TMEM33: variants seen among roughly 807,000 people sequenced by gnomAD.
TMEM33 encodes the protein transmembrane protein 33.
Under a neutral mutation model 29.7 loss-of-function variants are expected in TMEM33, and 16 were observed. The ratio of observed to expected loss-of-function variants is 0.54; its 90% confidence interval spans 0.36 to 0.82. The LOEUF (loss-of-function observed/expected upper bound fraction) is 0.82. Ranked by LOEUF, TMEM33 falls within the 40% of genes least tolerant of loss-of-function variation. The pLI is 0.00. For missense variants in TMEM33, 252 were observed against 295.3 expected (o/e 0.85, Z 1.08); for synonymous variants, 112 against 109.4 (o/e 1.02, Z -0.15).
At position 41,940,046 on chromosome 4, in the gene TMEM33, C is replaced by CCTTTTT. The variant is rs1553910603; in HGVS notation, c.328+663_328+664insCTTTTT. On this transcript the variant is annotated intron_variant, in intron 3 of 6. Coordinates refer to ENST00000504986, the MANE Select transcript of TMEM33 (RefSeq NM_018126.3). ...TATAGTGAACACTAGGTTAAACTTTCTTTTTTTTTTTTTTTTTTTTTTTTG... is the reference window on the plus strand; with the variant it reads ...TATAGTGAACACTAGGTTAAACTTTCCTTTTTTTTTTTTTTTTTTTTTTTTTTTTTG... Among the ~76,000 whole-genome samples the CCTTTTT allele has an allele frequency of 1.1e-3, 90 of 81,368 alleles. 5 individuals are homozygous for CCTTTTT. Among genetic ancestry groups the CCTTTTT allele is most frequent in the Middle Eastern group, 9.8e-3 (1 of 102 alleles). The allele number at this position is 81,368 out of a possible 152,430, so 53.4% of individuals were successfully genotyped here.
chr4:41,948,056 T>C (rs552998271), intron 5 of TMEM33, among the ~76,000 whole-genome samples: 3 of 152,336 alleles, frequency 2.0e-5, no homozygotes, highest in African/African-American at 4.8e-5. Flanking sequence ...CACCAAGATA[T>C]AATAAGTTAA....
chr4:41,940,938 T>C (rs920765177), intron 3 of TMEM33, among the ~76,000 whole-genome samples: 1 of 152,102 alleles, frequency 6.6e-6, no homozygotes, highest in African/African-American at 2.4e-5. Flanking sequence ...ACACATTGGC[T>C]AGTAAGTAGT....
Position 41,938,583 on chromosome 4 carries a change from T to C in TMEM33, c.46-19T>C. 1 of 1,609,306 alleles carries C rather than the reference T, an allele frequency of 6.2e-7. No individual in the cohort carries two copies. The highest frequency in any genetic ancestry group is 8.5e-7 in the Non-Finnish European group (1 of 1,176,608). ...TGATTTGCAGGCATAGCTTACAGTA[T>C]TTTTCTTTTTAAATTTAGCAATTCA... On this transcript the variant is annotated intron_variant, in intron 1 of 6. Coordinates refer to ENST00000504986, the MANE Select transcript of TMEM33 (RefSeq NM_018126.3).
rs1713310362 is a variant in TMEM33 at position 41,957,268 on chromosome 4, T to TG, written c.*3069_*3070insG. ...ATTTATTATGCAATTTGTATTTAGGTTTTTTTTTTTTTTTTTGGAATGAAG... is the reference window on the plus strand; with the variant it reads ...ATTTATTATGCAATTTGTATTTAGGTGTTTTTTTTTTTTTTTTGGAATGAAG... On this transcript the variant is annotated 3_prime_UTR_variant, in exon 7 of 7. Transcript: ENST00000504986. 1 of 302 alleles carries TG rather than the reference T, an allele frequency of 3.3e-3. No homozygotes were observed. The highest frequency in any genetic ancestry group is 0.018 in the Non-Finnish European group (1 of 56). 0.0% of individuals were successfully genotyped at this position (302 alleles called of 1,614,324 possible). A position where few individuals can be genotyped will look rare whatever the true frequency, so the allele number is the denominator to read the frequency against.
intron 1 of TMEM33, 118 bp from the exon 2 acceptor site, chr4:41,938,483 TA>T (rs35986538): frequency 5.2e-6 from 5 of 956,804 alleles, no homozygotes; most frequent in Non-Finnish European, 8.0e-6. Flanking sequence ...CCTAATGATC[TA>T]AAAAAACAAA....
chr4:41,941,756 T>C (rs1712551485), intron 3 of TMEM33, among the ~76,000 whole-genome samples: 1 of 152,200 alleles, frequency 6.6e-6, no homozygotes. Context: ...TGGTAATAAA[T>C]AAAAGCGGGC....
intron 6 of TMEM33, among the ~76,000 whole-genome samples, chr4:41,951,958 G>A (rs1012046125): frequency 1.3e-5 from 2 of 152,156 alleles, no homozygotes; most frequent in Non-Finnish European, 2.9e-5. Flanking sequence ...AACATAGAGA[G>A]GCTGGGAACC....
intron 1 of TMEM33, among the ~76,000 whole-genome samples, chr4:41,936,420 GTAA>G: frequency 6.6e-6 from 1 of 152,344 alleles, no homozygotes; most frequent in East Asian, 1.9e-4. Context: ...GCTCACGCCT[GTAA>G]TCTCAGCACT....
Position 41,954,150 on chromosome 4 carries a change from G to C in TMEM33, c.695G>C (p.Cys232Ser). Residue 232 changes from cysteine to serine, a missense_variant, in exon 7 of 7, where the codon TGT (cysteine) becomes TCT (serine). Coordinates refer to ENST00000504986, the MANE Select transcript of TMEM33 (RefSeq NM_018126.3). The stretch of plus-strand genomic sequence containing the variant: ...TGCCCACTGTTTGTGAGAAGACTTT[G>C]TCTCCAGAGCATTGCCTTTATAAGC... The part of the protein sequence containing the change: ...PACPLFVRRL[C>S]LQSIAFISRL... 6.2e-7 allele frequency: 1 copy of C among 1,613,930 alleles called. No individual in the cohort carries two copies.
intron 1 of TMEM33, among the ~76,000 whole-genome samples, chr4:41,938,090 C>A (rs749807819): frequency 1.3e-5 from 2 of 152,324 alleles, no homozygotes; most frequent in Non-Finnish European, 2.9e-5. Context: ...TTTTATATTT[C>A]TTCTTCAAAA....
intron 4 of TMEM33, chr4:41,944,271 A>G (rs1358577988): frequency 5.7e-6 from 1 of 176,532 alleles, no homozygotes; most frequent in Non-Finnish European, 1.2e-5. Flanking sequence ...GCACCAGGCC[A>G]TTTACAGCAT....
intron 5 of TMEM33, among the ~76,000 whole-genome samples, chr4:41,948,357 C>T (rs1712885287): frequency 6.6e-6 from 1 of 151,802 alleles, no homozygotes; most frequent in Non-Finnish European, 1.5e-5. Context: ...TTTATATTTT[C>T]TATGTTGTGT....
chr4:41,935,398 C>T (rs550503875), upstream of TMEM33: 3 of 1,433,390 alleles, frequency 2.1e-6, no homozygotes, highest in South Asian at 3.7e-5. Flanking sequence ...AAGCCGGTAC[C>T]CGGGTCCTGG....
chr4:41,944,784 T>C lies in TMEM33; in HGVS notation c.397-9T>C. The C allele has an allele frequency of 1.2e-6, 2 of 1,611,552 alleles. No individual in the cohort carries two copies. Among genetic ancestry groups the C allele is most frequent in the Non-Finnish European group, 1.7e-6 (2 of 1,179,250 alleles). ...ACTTATTTCTAATGTTGGTTTTCTT[T>C]TGTTTTAGGCAAGGGGCTCAAATAG... On this transcript the variant is annotated splice_polypyrimidine_tract_variant and intron_variant, in intron 4 of 6. Transcript: ENST00000504986.
chr4:41,935,171 C>G, upstream of TMEM33: 1 of 483,378 alleles, frequency 2.1e-6, no homozygotes, highest in East Asian at 4.1e-5. Context: ...GAGCCGGCGG[C>G]GTAGGTTGGC....
In TMEM33 at chr4:41,949,309, G is replaced by A; in HGVS notation, c.538G>A (p.Gly180Arg). ...ATVFMLFSGQ[G>R]SLLQPFIYYR... ...TGTATTTGTTTATTTCAGTGGTCAA[G>A]GAAGTTTGCTCCAACCTTTTATATA... Residue 180 changes from glycine to arginine, a missense_variant, in exon 6 of 7, where the codon GGA becomes AGA. Transcript: ENST00000504986. 6.2e-7 allele frequency: 1 copy of A among 1,607,532 alleles called. No individual in the cohort carries two copies. The highest frequency in any genetic ancestry group is 8.5e-7 in the Non-Finnish European group (1 of 1,176,874).
At chr4:41,953,764 TG>T (rs1358457597) in intron 6 of TMEM33, 1 of 466,756 alleles carries the variant, frequency 2.1e-6, no homozygotes, top group Admixed American at 2.3e-5. Context: ...GTGCAGTTTG[TG>T]GTGCCCCAAA....
chr4:41,935,411 C>G (rs1038116377), upstream of TMEM33: 90 of 1,502,562 alleles, frequency 6.0e-5, 1 homozygote, highest in African/African-American at 1.1e-3. Flanking sequence ...GGTCCTGGCC[C>G]CAGCGCTGAC....
intron 1 of TMEM33, among the ~76,000 whole-genome samples, chr4:41,936,497 C>T (rs2153126201): frequency 1.3e-5 from 2 of 152,282 alleles, no homozygotes; most frequent in South Asian, 4.1e-4. Flanking sequence ...GAGCCAAGAT[C>T]GCGCCACTGC....
Sources: allele counts gnomAD v4.1 joint callset (sites outside exome capture counted in the v4.1 genomes callset), GRCh38; gene constraint gnomAD v4.1.1; transcripts MANE v1.5; gene names NCBI Gene and HGNC (gene_info 2026-07-23, HGNC 2026-07-21).